The following IFT52 variants were observed in gnomAD, a reference collection of about 807,000 sequenced individuals.
The protein encoded by IFT52 is intraflagellar transport protein 52 homolog.
A neutral mutation model predicts 54.4 loss-of-function variants in IFT52; 44 were observed. The observed-to-expected ratio is 0.81, with a 90% CI of 0.63 to 1.04. IFT52 has a LOEUF of 1.04. Ranked by LOEUF, IFT52 falls within the 50% of genes least tolerant of loss-of-function variation. The pLI, the probability that IFT52 is intolerant of heterozygous loss-of-function variation, is 0.00. For synonymous variants in IFT52, 181 were observed against 185.3 expected (o/e 0.98, Z 0.19); for missense variants, 452 against 523.6 (o/e 0.86, Z 1.33).
chr20:43,597,415 AGT>A (rs1220206096), intron 3 of IFT52, among the ~76,000 whole-genome samples: 1 of 151,908 alleles, frequency 6.6e-6, no homozygotes, highest in Non-Finnish European at 1.5e-5. Flanking sequence ...TTAAAATAAA[AGT>A]GTTTATTATT....
chr20:43,635,442 G>T (rs1009374410), intron 10 of IFT52, among the ~76,000 whole-genome samples: 1 of 151,980 alleles, frequency 6.6e-6, no homozygotes, highest in African/African-American at 2.4e-5. Context: ...GATTATAGGC[G>T]CCAGCCACCA....
At chr20:43,625,822 G>C (rs542653731) in intron 10 of IFT52, among the ~76,000 whole-genome samples, 5 of 152,022 alleles carry the variant, frequency 3.3e-5, no homozygotes, top group Non-Finnish European at 5.9e-5. Context: ...TGAGAGTTCT[G>C]AGCAGAGGTA....
intron 6 of IFT52, among the ~76,000 whole-genome samples, chr20:43,610,279 G>A (rs1403939979): frequency 1.6e-5 from 2 of 127,378 alleles, no homozygotes; most frequent in Non-Finnish European, 3.2e-5. Context: ...GCGACAGAGC[G>A]AGACACCAAC....
intron 2 of IFT52, among the ~76,000 whole-genome samples, chr20:43,596,170 G>T (rs1422067908): frequency 6.6e-6 from 1 of 152,226 alleles, no homozygotes; most frequent in East Asian, 1.9e-4. Context: ...GATTGAATTA[G>T]TAGTTGCAGA....
At chr20:43,608,014 G>T (rs1267596693) in intron 6 of IFT52, among the ~76,000 whole-genome samples, 1 of 150,666 alleles carries the variant, frequency 6.6e-6, no homozygotes, top group Non-Finnish European at 1.5e-5. Context: ...CAGGCGTGGC[G>T]GTGCGCGCCT....
In IFT52 at chr20:43,632,313, T is replaced by C. The variant is rs146134364; in HGVS notation, c.924-3613T>C. On this transcript the variant is annotated intron_variant, in intron 10 of 13. Coordinates refer to ENST00000373030, the MANE Select transcript of IFT52 (RefSeq NM_016004.5). ...TCTTGCTCTGTCTCCCAGGCTAGAG[T>C]GCAGTGGTGCAGTCTCGGTTCACTG... Among the ~76,000 whole-genome samples, 226 of 150,614 alleles carry C rather than the reference T, an allele frequency of 1.5e-3. 4 individuals carry two copies. The East Asian group carries it at 0.038, about 26-fold the overall frequency.
chr20:43,640,352 T>G (rs373831180), intron 12 of IFT52, among the ~76,000 whole-genome samples: 18 of 151,930 alleles, frequency 1.2e-4, no homozygotes, highest in African/African-American at 4.1e-4. Context: ...CCCAGCTGCT[T>G]GGGAGGCTGA....
chr20:43,610,472 G>A (rs1176390274), intron 6 of IFT52, among the ~76,000 whole-genome samples: 3 of 152,092 alleles, frequency 2.0e-5, no homozygotes, highest in South Asian at 2.1e-4. Flanking sequence ...AGTGACTCAC[G>A]CCTGTAATTC....
intron 3 of IFT52, among the ~76,000 whole-genome samples, chr20:43,597,703 G>A (rs550852900): frequency 6.6e-6 from 1 of 152,158 alleles, no homozygotes; most frequent in East Asian, 1.9e-4. Flanking sequence ...AGACTAGCCT[G>A]GCCAACATGG....
In IFT52 at chr20:43,590,997, G is replaced by C. The variant is rs904743139; in HGVS notation, c.-64G>C. Reference sequence around the variant, plus strand: ...CCTCTCCGGTTACTAAGCGGCCTTGGATACCTGGCCGCGGGATGCTGGGCG... The same window carrying C: ...CCTCTCCGGTTACTAAGCGGCCTTGCATACCTGGCCGCGGGATGCTGGGCG... On this transcript the variant is annotated 5_prime_UTR_variant, in exon 1 of 14. Transcript: ENST00000373030. 2.0e-4 allele frequency: 30 copies of C among 152,274 alleles called. No homozygotes were observed. Among genetic ancestry groups the C allele is most frequent in the Non-Finnish European group, 8.8e-5 (6 of 68,066 alleles). 9.4% of individuals were successfully genotyped at this position (152,274 alleles called of 1,614,324 possible).
At chr20:43,626,177 TG>T (rs1366713808) in intron 10 of IFT52, among the ~76,000 whole-genome samples, 3 of 152,030 alleles carry the variant, frequency 2.0e-5, no homozygotes, top group Non-Finnish European at 2.9e-5. Flanking sequence ...TATTTTAACC[TG>T]GTGGTCAGAA....
chr20:43,630,562 A>G (rs1371558408), intron 10 of IFT52, among the ~76,000 whole-genome samples: 1 of 152,182 alleles, frequency 6.6e-6, no homozygotes, highest in Non-Finnish European at 1.5e-5. Context: ...ATTTATGTCA[A>G]CTACAGGGTG....
intron 8 of IFT52, among the ~76,000 whole-genome samples, chr20:43,620,417 G>A (rs955161531): frequency 1.3e-5 from 2 of 152,090 alleles, no homozygotes; most frequent in Admixed American, 1.3e-4. Flanking sequence ...TACTACTTTG[G>A]GAGGCCGAGA....
chr20:43,606,665 T>A (rs1240017297), intron 6 of IFT52, among the ~76,000 whole-genome samples: 1 of 151,724 alleles, frequency 6.6e-6, no homozygotes, highest in Non-Finnish European at 1.5e-5. Flanking sequence ...AGGACAATAG[T>A]GGAGGGAAGG....
intron 6 of IFT52, among the ~76,000 whole-genome samples, chr20:43,607,294 G>T (rs1467162758): frequency 2.6e-5 from 4 of 151,584 alleles, no homozygotes; most frequent in Non-Finnish European, 5.9e-5. Context: ...GGACGGGGCG[G>T]CTGGCCTGGC....
At chr20:43,599,484 A>G (rs1982257540) in intron 3 of IFT52, among the ~76,000 whole-genome samples, 1 of 152,200 alleles carries the variant, frequency 6.6e-6, no homozygotes, top group South Asian at 2.1e-4. Flanking sequence ...CCAGTCCCTG[A>G]CACCATACCT....
At chr20:43,622,759 A>C (rs774825608) in intron 9 of IFT52, among the ~76,000 whole-genome samples, 1 of 56,408 alleles carries the variant, frequency 1.8e-5, no homozygotes, top group Non-Finnish European at 3.4e-5. Context: ...AAATATAAAT[A>C]TATACAAATT....
At chr20:43,619,727 A>G (rs145220069) in intron 8 of IFT52, among the ~76,000 whole-genome samples, 142 of 152,254 alleles carry the variant, frequency 9.3e-4, no homozygotes, top group African/African-American at 3.3e-3. Flanking sequence ...CTTACGGAAG[A>G]TGGCAGAGTA....
At chr20:43,598,111 A>G (rs774412584) in intron 3 of IFT52, among the ~76,000 whole-genome samples, 5 of 152,222 alleles carry the variant, frequency 3.3e-5, no homozygotes, top group Non-Finnish European at 7.3e-5. Flanking sequence ...TCAATCTTAA[A>G]TAGGAAGGTA....
Sources: gnomAD v4.1 joint callset for allele counts (sites outside exome capture counted in the v4.1 genomes callset) on GRCh38, gnomAD v4.1.1 for gene constraint, MANE v1.5 for transcripts, NCBI Gene and HGNC (gene_info 2026-07-23, HGNC 2026-07-21) for gene names.